Variants in ANO3 observed in about 807,000 individuals in gnomAD.
The protein encoded by ANO3 is anoctamin 3, also known as anoctamin-3.
A neutral mutation model predicts 144.8 loss-of-function variants in ANO3; 99 were observed. The observed-to-expected ratio is 0.68, with a 90% CI of 0.58 to 0.81. The LOEUF is 0.81. Among genes scored for constraint, ANO3 ranks in the 30% least tolerant of loss-of-function variants. The probability of loss-of-function intolerance (pLI) is 0.00; values close to 1 mark genes in which losing one functional copy is unlikely to be tolerated. For missense variants in ANO3, 905 were observed against 1,202.2 expected (o/e 0.75, Z 3.66); for synonymous variants, 414 against 392.6 (o/e 1.05, Z -0.64).
At chr11:26,324,909 G>A (rs564718854) in intron 1 of ANO3, among the ~76,000 whole-genome samples, 1 of 152,118 alleles carries the variant, frequency 6.6e-6, no homozygotes. Flanking sequence ...AAATGAATAG[G>A]TATAATTAAA....
chr11:26,546,855 T>C (rs1849802692), intron 11 of ANO3, among the ~76,000 whole-genome samples: 1 of 151,948 alleles, frequency 6.6e-6, no homozygotes, highest in East Asian at 1.9e-4. Flanking sequence ...TGACTGGTAA[T>C]TACCATACAT....
chr11:26,309,694 G>T, exon 1 of ANO3: 2 of 985,256 alleles, frequency 2.0e-6, no homozygotes, highest in Non-Finnish European at 2.4e-6. Flanking sequence ...AGAGTGTGTG[G>T]GCTGCCAAAG....
At chr11:26,303,273 A>C (rs1308032992) in intron 1 of ANO3, among the ~76,000 whole-genome samples, 1 of 152,186 alleles carries the variant, frequency 6.6e-6, no homozygotes, top group Non-Finnish European at 1.5e-5. Flanking sequence ...TTGACAATGG[A>C]AATGACATGA....
chr11:26,628,426 G>GA (rs1852663160), intron 18 of ANO3, among the ~76,000 whole-genome samples: 1 of 152,106 alleles, frequency 6.6e-6, no homozygotes, highest in Admixed American at 6.5e-5. Flanking sequence ...CTTCATTAGG[G>GA]AAAAAGTAAG....
intron 4 of ANO3, among the ~76,000 whole-genome samples, chr11:26,487,193 G>A (rs902029124): frequency 7.2e-5 from 11 of 152,198 alleles, no homozygotes; most frequent in Non-Finnish European, 1.2e-4. Flanking sequence ...CCCAAGGGGA[G>A]GTAATTGAAT....
Position 26,527,634 on chromosome 11 carries a change from C to T in ANO3, c.737+1955C>T, listed in dbSNP as rs12286264. ...TTCTTGAAGTGGGAAAGGTATTTTC[C>T]TCACATGCTTAGTTTTGACCGGTAC... On this transcript the variant is annotated intron_variant, in intron 7 of 26. Coordinates refer to ENST00000256737, the MANE Select transcript of ANO3 (RefSeq NM_031418.4). Among the ~76,000 whole-genome samples, 918 of 152,148 alleles carry T rather than the reference C, an allele frequency of 6.0e-3. 8 individuals carry two copies. The highest frequency in any genetic ancestry group is 0.021 in the African/African-American group (863 of 41,534).
chr11:26,610,271 T>C (rs1476831270), intron 17 of ANO3, among the ~76,000 whole-genome samples: 1 of 151,866 alleles, frequency 6.6e-6, no homozygotes, highest in East Asian at 1.9e-4. Context: ...TATTGTGGTT[T>C]TGGTTTTCAT....
At chr11:26,298,274 A>G (rs1854138180) in intron 1 of ANO3, among the ~76,000 whole-genome samples, 4 of 152,198 alleles carry the variant, frequency 2.6e-5, no homozygotes, top group Admixed American at 2.6e-4. Flanking sequence ...CAGGGCACCC[A>G]CAAAGGGATG....
intron 1 of ANO3, among the ~76,000 whole-genome samples, chr11:26,340,137 T>A (rs1855317481): frequency 6.6e-6 from 1 of 152,214 alleles, no homozygotes; most frequent in Non-Finnish European, 1.5e-5. Flanking sequence ...AGACAGTTAC[T>A]AGGCTGACCA....
intron 10 of ANO3, among the ~76,000 whole-genome samples, chr11:26,539,062 GCT>G (rs1321421281): frequency 6.6e-6 from 1 of 151,706 alleles, no homozygotes; most frequent in Non-Finnish European, 1.5e-5. Flanking sequence ...AAGGACAGTG[GCT>G]AGAGGGAAGA....
intron 5 of ANO3, among the ~76,000 whole-genome samples, chr11:26,516,079 G>A (rs1861851653): frequency 6.6e-6 from 1 of 151,776 alleles, no homozygotes; most frequent in Non-Finnish European, 1.5e-5. Context: ...TTATTCAAAA[G>A]GGTATCAGAT....
At chr11:26,547,958 C>T (rs1159877061) in intron 12 of ANO3, among the ~76,000 whole-genome samples, 1 of 151,872 alleles carries the variant, frequency 6.6e-6, no homozygotes, top group Admixed American at 6.6e-5. Flanking sequence ...GTTTCATTTG[C>T]TATAACCTTC....
At chr11:26,589,408 A>G (rs544542608) in intron 14 of ANO3, among the ~76,000 whole-genome samples, 2 of 139,424 alleles carry the variant, frequency 1.4e-5, no homozygotes, top group South Asian at 4.4e-4. Flanking sequence ...CAGTACCCCA[A>G]TTTTCTTTTT....
At chr11:26,193,749 C>G (rs1851524208) in intron 1 of ANO3, among the ~76,000 whole-genome samples, 1 of 152,124 alleles carries the variant, frequency 6.6e-6, no homozygotes, top group Admixed American at 6.6e-5. Context: ...TTCTGAGCTA[C>G]ATATAATAAT....
At chr11:26,348,087 A>G (rs1855541174) in intron 1 of ANO3, among the ~76,000 whole-genome samples, 1 of 152,204 alleles carries the variant, frequency 6.6e-6, no homozygotes, top group South Asian at 2.1e-4. Context: ...TTCTTCTAAC[A>G]TATGGCTTAT....
At chr11:26,278,804 T>C (rs67515569) in intron 1 of ANO3, among the ~76,000 whole-genome samples, 6,333 of 152,220 alleles carry the variant, frequency 0.042, 194 homozygotes, top group African/African-American at 0.087. Flanking sequence ...ATTATTTGTA[T>C]TTGAAATTTT....
intron 1 of ANO3, among the ~76,000 whole-genome samples, chr11:26,191,302 A>G (rs1454396757): frequency 6.6e-6 from 1 of 151,398 alleles, no homozygotes; most frequent in Non-Finnish European, 1.5e-5. Flanking sequence ...ACACATATAT[A>G]TATACACACA....
At chr11:26,344,810 T>C (rs993040280) in intron 1 of ANO3, among the ~76,000 whole-genome samples, 10 of 152,306 alleles carry the variant, frequency 6.6e-5, no homozygotes, top group Non-Finnish European at 1.5e-4. Context: ...TTGCAATTAG[T>C]CATAGCTCTT....
At chr11:26,350,706 T>G (rs148916978) in intron 1 of ANO3, among the ~76,000 whole-genome samples, 2 of 152,246 alleles carry the variant, frequency 1.3e-5, no homozygotes, top group African/African-American at 4.8e-5. Context: ...AATACACAAA[T>G]ATACCTAATT....
Sources: gnomAD v4.1 joint callset for allele counts (sites outside exome capture counted in the v4.1 genomes callset) on GRCh38, gnomAD v4.1.1 for gene constraint, MANE v1.5 for transcripts, NCBI Gene and HGNC (gene_info 2026-07-23, HGNC 2026-07-21) for gene names.